The following PPP2R2B variants were observed in gnomAD, a reference collection of about 807,000 sequenced individuals.
PPP2R2B encodes protein phosphatase 2 regulatory subunit Bbeta, also known as serine/threonine-protein phosphatase 2A 55 kDa regulatory subunit B beta isoform.
In PPP2R2B, 5 loss-of-function variants were observed where a neutral mutation model predicts 46.0. The observed-to-expected ratio is 0.11, with a 90% CI of 0.06 to 0.23. The LOEUF is 0.23. PPP2R2B is among the 10% of genes least tolerant of loss of function. The pLI, the probability that PPP2R2B is intolerant of heterozygous loss-of-function variation, is 1.00. For missense variants in PPP2R2B, 367 were observed against 575.0 expected, an observed-to-expected ratio of 0.64 and a Z score of 3.70; for synonymous variants, 215 against 206.7, an observed-to-expected ratio of 1.04 and a Z score of -0.34.
intron 1 of PPP2R2B, among the ~76,000 whole-genome samples, chr5:146,889,303 C>G (rs1264514549): frequency 1.3e-5 from 2 of 152,106 alleles, no homozygotes; most frequent in Admixed American, 1.3e-4. Context: ...AGGGTGAGGA[C>G]TGGCTCCAGT....
chr5:147,033,669 G>C (rs761097068), intron 1 of PPP2R2B, among the ~76,000 whole-genome samples: 12 of 152,028 alleles, frequency 7.9e-5, no homozygotes, highest in Non-Finnish European at 1.3e-4. Context: ...TACATAGCAA[G>C]TCAAGCCTTC....
At chr5:146,977,289 G>A (rs1752954877) in intron 1 of PPP2R2B, among the ~76,000 whole-genome samples, 1 of 151,896 alleles carries the variant, frequency 6.6e-6, no homozygotes, top group Admixed American at 6.6e-5. Context: ...AATGCAGTGG[G>A]GCAAGCATAG....
chr5:146,662,595 T>C (rs1432599117), intron 5 of PPP2R2B, among the ~76,000 whole-genome samples: 2 of 152,206 alleles, frequency 1.3e-5, no homozygotes, highest in African/African-American at 2.4e-5. Context: ...TCTAATACTG[T>C]GAGAAATAAA....
chr5:146,809,576 C>T (rs1302383876), intron 2 of PPP2R2B, among the ~76,000 whole-genome samples: 3 of 152,070 alleles, frequency 2.0e-5, no homozygotes, highest in Non-Finnish European at 4.4e-5. Flanking sequence ...GAGGAAATGA[C>T]GTATCAGCTA....
intron 2 of PPP2R2B, among the ~76,000 whole-genome samples, chr5:146,771,818 A>G (rs1754874033): frequency 6.6e-6 from 1 of 152,202 alleles, no homozygotes; most frequent in Non-Finnish European, 1.5e-5. Flanking sequence ...AGCCAATGCA[A>G]TGTGGGTGGG....
At chr5:146,596,835 C>T (rs981831663) in intron 8 of PPP2R2B, among the ~76,000 whole-genome samples, 1 of 152,170 alleles carries the variant, frequency 6.6e-6, no homozygotes, top group Non-Finnish European at 1.5e-5. Flanking sequence ...AAAGCTATCT[C>T]CACTACATAT....
chr5:146,609,199 C>A (rs1268851194), intron 7 of PPP2R2B, among the ~76,000 whole-genome samples: 1 of 152,042 alleles, frequency 6.6e-6, no homozygotes, highest in African/African-American at 2.4e-5. Context: ...AAGAAACGTA[C>A]CTTAAAATAA....
chr5:147,080,163 C>G (rs1312248557), intron 2 of PPP2R2B, among the ~76,000 whole-genome samples: 1 of 152,136 alleles, frequency 6.6e-6, no homozygotes, highest in Non-Finnish European at 1.5e-5. Context: ...ACTTTTTACT[C>G]AGAATTGAAG....
At chr5:146,715,473 A>G (rs1253988771) in intron 2 of PPP2R2B, among the ~76,000 whole-genome samples, 1 of 152,020 alleles carries the variant, frequency 6.6e-6, no homozygotes, top group Non-Finnish European at 1.5e-5. Context: ...ACGGCGTTCG[A>G]CCCTCTATAT....
intron 7 of PPP2R2B, among the ~76,000 whole-genome samples, chr5:146,625,696 C>T (rs1182405688): frequency 1.3e-5 from 2 of 152,070 alleles, no homozygotes; most frequent in Non-Finnish European, 2.9e-5. Context: ...AATGATGGCT[C>T]CCCAAGGATG....
chr5:146,978,643 T>C (rs1582536718), intron 1 of PPP2R2B, among the ~76,000 whole-genome samples: 1 of 152,356 alleles, frequency 6.6e-6, no homozygotes, highest in East Asian at 1.9e-4. Context: ...TCCCCATTTC[T>C]TGTTTTTGTC....
intron 2 of PPP2R2B, among the ~76,000 whole-genome samples, chr5:146,846,229 A>G (rs1424790657): frequency 6.6e-6 from 1 of 151,942 alleles, no homozygotes; most frequent in Non-Finnish European, 1.5e-5. Context: ...AAATACAAAA[A>G]TTAGCTGGGC....
At position 146,588,685 on chromosome 5, in the gene PPP2R2B, T is replaced by G. The variant is rs781552308; in HGVS notation, c.*1262A>C. 2.6e-5 allele frequency: 4 copies of G among 152,182 alleles called. No homozygotes were observed. The highest frequency in any genetic ancestry group is 9.7e-5 in the African/African-American group (4 of 41,424). The allele number at this position is 152,182 out of a possible 1,614,324, so 9.4% of individuals were successfully genotyped here. ...GAAGTTATAAATCTGGATCCTCAAC[T>G]GGGGAAAAGGATGAACCATCTTCCA... On this transcript the variant is annotated 3_prime_UTR_variant, in exon 10 of 10. Transcript: ENST00000394411.
At chr5:146,676,305 G>A (rs1777708761) in intron 5 of PPP2R2B, among the ~76,000 whole-genome samples, 1 of 152,012 alleles carries the variant, frequency 6.6e-6, no homozygotes. Flanking sequence ...TTGCTCATGG[G>A]GAAAAAAGCG....
chr5:146,697,712 C>T (rs1779263273), intron 4 of PPP2R2B, among the ~76,000 whole-genome samples: 1 of 152,166 alleles, frequency 6.6e-6, no homozygotes. Flanking sequence ...TCCAAAAACA[C>T]CTGCAAATAA....
chr5:146,853,588 A>G (rs1447182640), intron 2 of PPP2R2B, among the ~76,000 whole-genome samples: 1 of 152,126 alleles, frequency 6.6e-6, no homozygotes, highest in Non-Finnish European at 1.5e-5. Flanking sequence ...TCAAAACCCT[A>G]ATTGAGTAAC....
intron 6 of PPP2R2B, among the ~76,000 whole-genome samples, chr5:146,638,828 T>C (rs1200116085): frequency 6.6e-6 from 1 of 152,238 alleles, no homozygotes; most frequent in Non-Finnish European, 1.5e-5. Context: ...GATTCCTTAA[T>C]GGATTATTGG....
chr5:147,078,242 A>G (rs1163415759), intron 2 of PPP2R2B, among the ~76,000 whole-genome samples: 4 of 152,244 alleles, frequency 2.6e-5, no homozygotes, highest in African/African-American at 7.2e-5. Flanking sequence ...CTTACAAAGT[A>G]TTGAGCACTG....
chr5:146,686,544 C>T (rs1778512573), intron 5 of PPP2R2B, among the ~76,000 whole-genome samples: 1 of 152,088 alleles, frequency 6.6e-6, no homozygotes, highest in East Asian at 1.9e-4. Context: ...ATAGTAAGCA[C>T]TCAATAGATG....
Sources: allele counts gnomAD v4.1 joint callset (sites outside exome capture counted in the v4.1 genomes callset), GRCh38; gene constraint gnomAD v4.1.1; transcripts MANE v1.5; gene names NCBI Gene and HGNC (gene_info 2026-07-23, HGNC 2026-07-21).